The following GPM6A variants were observed in gnomAD, a reference collection of about 807,000 sequenced individuals.
The protein encoded by GPM6A is glycoprotein M6A.
In GPM6A, 7 loss-of-function variants were observed where a neutral mutation model predicts 32.1. That is an observed-to-expected ratio of 0.22 (90% CI 0.12 to 0.41). GPM6A has a LOEUF of 0.41. Among genes scored for constraint, GPM6A ranks in the 10% least tolerant of loss-of-function variants. The pLI is 1.00. For synonymous variants in GPM6A, 130 were observed against 123.4 expected (o/e 1.05, Z -0.35); for missense variants, 235 against 347.2 (o/e 0.68, Z 2.57).
chr4:175,750,723 C>T (rs1275346099), intron 1 of GPM6A, among the ~76,000 whole-genome samples: 1 of 151,994 alleles, frequency 6.6e-6, no homozygotes, highest in Admixed American at 6.6e-5. Flanking sequence ...TAGGCATGTG[C>T]TACCATGCCC....
chr4:175,943,658 T>C (rs957101712), intron 1 of GPM6A, among the ~76,000 whole-genome samples: 1 of 152,174 alleles, frequency 6.6e-6, no homozygotes, highest in Non-Finnish European at 1.5e-5. Flanking sequence ...TTGTCATTGG[T>C]TCTGTTTATG....
chr4:175,729,440 A>G (rs1731318346), intron 1 of GPM6A, among the ~76,000 whole-genome samples: 1 of 152,180 alleles, frequency 6.6e-6, no homozygotes, highest in South Asian at 2.1e-4. Flanking sequence ...CACTATTGAC[A>G]AGTGGGAAGA....
intron 1 of GPM6A, among the ~76,000 whole-genome samples, chr4:175,905,803 G>A (rs1220866263): frequency 6.6e-6 from 1 of 152,140 alleles, no homozygotes; most frequent in Non-Finnish European, 1.5e-5. Flanking sequence ...AACCGCCGAT[G>A]TTCATGCTTT....
intron 1 of GPM6A, among the ~76,000 whole-genome samples, chr4:175,946,627 G>A (rs1739616254): frequency 1.3e-5 from 2 of 152,142 alleles, no homozygotes; most frequent in African/African-American, 4.8e-5. Context: ...GGCAGAGCAT[G>A]TCAAGAACAG....
chr4:175,774,664 A>C (rs576202855), intron 1 of GPM6A, among the ~76,000 whole-genome samples: 13 of 152,194 alleles, frequency 8.5e-5, no homozygotes, highest in African/African-American at 2.4e-4. Context: ...CTTGTATATA[A>C]TGGTAAGATC....
chr4:175,876,491 GT>G (rs1294321961), intron 1 of GPM6A, among the ~76,000 whole-genome samples: 2 of 152,098 alleles, frequency 1.3e-5, no homozygotes, highest in African/African-American at 2.4e-5. Flanking sequence ...TCTATTTTCA[GT>G]TTTTACTTCT....
chr4:175,776,532 A>G (rs1733402664), intron 1 of GPM6A, among the ~76,000 whole-genome samples: 1 of 152,194 alleles, frequency 6.6e-6, no homozygotes, highest in African/African-American at 2.4e-5. Context: ...TAACTTGTTC[A>G]GTCTCTAATA....
At chr4:175,773,057 A>G (rs1472236356) in intron 1 of GPM6A, among the ~76,000 whole-genome samples, 1 of 152,202 alleles carries the variant, frequency 6.6e-6, no homozygotes, top group African/African-American at 2.4e-5. Context: ...TTCATTTTGA[A>G]AAACCTCATC....
intron 1 of GPM6A, among the ~76,000 whole-genome samples, chr4:175,749,176 T>C (rs1339760822): frequency 2.0e-5 from 3 of 150,626 alleles, no homozygotes; most frequent in African/African-American, 7.3e-5. Context: ...AGTATTAGAT[T>C]GGTGCAAAAG....
intron 2 of GPM6A, among the ~76,000 whole-genome samples, chr4:175,674,243 T>C (rs1438415382): frequency 6.6e-6 from 1 of 152,146 alleles, no homozygotes; most frequent in African/African-American, 2.4e-5. Context: ...AGTGGTGCGA[T>C]CTCGGCTCGC....
intron 1 of GPM6A, among the ~76,000 whole-genome samples, chr4:175,948,059 C>A (rs1739668393): frequency 6.6e-6 from 1 of 152,142 alleles, no homozygotes; most frequent in Admixed American, 6.5e-5. Context: ...GTTTTCCAAA[C>A]ACATCCCATT....
intron 1 of GPM6A, chr4:175,798,654 A>C (rs1734333248): frequency 6.6e-6 from 1 of 152,226 alleles, no homozygotes; most frequent in Admixed American, 6.5e-5. Context: ...AGGAGAGGCA[A>C]CATAACTCTT....
chr4:175,771,339 C>T (rs1189463496), intron 1 of GPM6A, among the ~76,000 whole-genome samples: 1 of 151,836 alleles, frequency 6.6e-6, no homozygotes, highest in Non-Finnish European at 1.5e-5. Context: ...TTTGGGAGGC[C>T]GAGACAGGGG....
At chr4:175,665,836 C>T (rs1742720702) in intron 3 of GPM6A, among the ~76,000 whole-genome samples, 2 of 150,948 alleles carry the variant, frequency 1.3e-5, no homozygotes, top group Admixed American at 1.3e-4. Context: ...GCAAATATTA[C>T]TGCAAAGGAA....
chr4:175,708,931 A>G (rs552173395), intron 1 of GPM6A, among the ~76,000 whole-genome samples: 2 of 152,338 alleles, frequency 1.3e-5, no homozygotes. Context: ...AATATTTGGT[A>G]GAACAACCAG....
intron 1 of GPM6A, among the ~76,000 whole-genome samples, chr4:175,825,828 A>G (rs1414684278): frequency 6.6e-6 from 1 of 152,164 alleles, no homozygotes; most frequent in African/African-American, 2.4e-5. Flanking sequence ...ACAACACAAC[A>G]TTTTCAAGTT....
At chr4:175,891,972 G>A (rs1737662278) in intron 1 of GPM6A, among the ~76,000 whole-genome samples, 2 of 152,214 alleles carry the variant, frequency 1.3e-5, no homozygotes, top group African/African-American at 4.8e-5. Context: ...AAACTTCAAT[G>A]TGGCTTTTGC....
chr4:175,744,898 G>A (rs911025643), intron 1 of GPM6A, among the ~76,000 whole-genome samples: 6 of 152,202 alleles, frequency 3.9e-5, no homozygotes, highest in East Asian at 1.9e-4. Flanking sequence ...GGAATGGATA[G>A]GAATTATGTG....
intron 1 of GPM6A, among the ~76,000 whole-genome samples, chr4:175,838,432 T>C (rs1365461082): frequency 1.3e-5 from 2 of 150,582 alleles, no homozygotes; most frequent in Non-Finnish European, 1.5e-5. Flanking sequence ...CTACCCTAAA[T>C]AAGGAAAGCT....
Sources: gnomAD v4.1 joint callset for allele counts (sites outside exome capture counted in the v4.1 genomes callset) on GRCh38, gnomAD v4.1.1 for gene constraint, MANE v1.5 for transcripts, NCBI Gene and HGNC (gene_info 2026-07-23, HGNC 2026-07-21) for gene names.